Variants in SPHKAP observed in about 807,000 individuals in gnomAD.
SPHKAP encodes SPHK1 interactor, AKAP domain containing, also known as A-kinase anchor protein SPHKAP.
Under a neutral mutation model 137.5 loss-of-function variants are expected in SPHKAP, and 67 were observed. That is an observed-to-expected ratio of 0.49 (90% CI 0.40 to 0.60). SPHKAP has a LOEUF of 0.60. Ranked by LOEUF, SPHKAP falls within the 20% of genes least tolerant of loss-of-function variation. SPHKAP has a pLI of 0.00. For synonymous variants in SPHKAP, 813 were observed against 785.3 expected (o/e 1.04, Z -0.59); for missense variants, 2,097 against 2,069.3 (o/e 1.01, Z -0.26).
chr2:228,071,466 T>C (rs1352777036), intron 3 of SPHKAP, among the ~76,000 whole-genome samples: 1 of 152,238 alleles, frequency 6.6e-6, no homozygotes, highest in Non-Finnish European at 1.5e-5. Flanking sequence ...CATTCTTTGC[T>C]GGCACTAAGT....
chr2:228,140,735 T>C (rs866654058), intron 1 of SPHKAP, among the ~76,000 whole-genome samples: 1 of 152,116 alleles, frequency 6.6e-6, no homozygotes, highest in African/African-American at 2.4e-5. Flanking sequence ...TAGCACCGTC[T>C]CCTTGGTGCT....
Position 228,018,421 on chromosome 2 carries a change from C to T in SPHKAP, c.2433G>A (p.Gln811=), listed in dbSNP as rs1694695392. The T allele has an allele frequency of 6.2e-7, 1 of 1,613,942 alleles. No homozygotes were observed. Residue 811 remains glutamine (Q), a synonymous_variant, in exon 7 of 12, where the codon CAG becomes CAA. Coordinates refer to ENST00000392056, the MANE Select transcript of SPHKAP (RefSeq NM_001142644.2). ...RPGLFKNPTL[Q]SQLSRSHRVP... ...CTCTGTGACTACGTGATAATTGTGA[C>T]TGCAGCGTGGGGTTCTTGAAGAGGC...
intron 3 of SPHKAP, among the ~76,000 whole-genome samples, chr2:228,051,348 T>C (rs1270300382): frequency 6.6e-6 from 1 of 152,212 alleles, no homozygotes; most frequent in African/African-American, 2.4e-5. Flanking sequence ...AAAATCTACT[T>C]TTCTGCCCCT....
chr2:228,037,013 C>T (rs1695642324), intron 3 of SPHKAP, among the ~76,000 whole-genome samples: 1 of 151,842 alleles, frequency 6.6e-6, no homozygotes, highest in Non-Finnish European at 1.5e-5. Context: ...TGCGCATGTA[C>T]CCTAAAACTT....
chr2:228,178,050 T>C (rs1253806800), intron 1 of SPHKAP, among the ~76,000 whole-genome samples: 1 of 152,194 alleles, frequency 6.6e-6, no homozygotes, highest in East Asian at 1.9e-4. Flanking sequence ...TAAAAAAGAT[T>C]ATTTTTAGCA....
At chr2:228,164,972 AG>A in intron 1 of SPHKAP, among the ~76,000 whole-genome samples, 1 of 152,310 alleles carries the variant, frequency 6.6e-6, no homozygotes, top group East Asian at 1.9e-4. Flanking sequence ...TACCATGAGA[AG>A]GGGGTGGACT....
intron 1 of SPHKAP, among the ~76,000 whole-genome samples, chr2:228,172,744 C>T (rs756966848): frequency 1.3e-5 from 2 of 152,166 alleles, no homozygotes; most frequent in African/African-American, 2.4e-5. Flanking sequence ...GGGCTCTGCT[C>T]CAATTCAACC....
At chr2:228,111,937 T>C (rs1574859379) in intron 2 of SPHKAP, among the ~76,000 whole-genome samples, 1 of 152,300 alleles carries the variant, frequency 6.6e-6, no homozygotes, top group Non-Finnish European at 1.5e-5. Flanking sequence ...GACTTCCATT[T>C]TAAAGTTAGT....
intron 2 of SPHKAP, among the ~76,000 whole-genome samples, chr2:228,128,500 T>A (rs1256724299): frequency 6.6e-6 from 1 of 152,178 alleles, no homozygotes; most frequent in Admixed American, 6.5e-5. Flanking sequence ...TTCAAACTCA[T>A]GTTTATGTTA....
chr2:228,011,184 G>T (rs578247163), intron 7 of SPHKAP, among the ~76,000 whole-genome samples: 1 of 151,730 alleles, frequency 6.6e-6, no homozygotes, highest in Non-Finnish European at 1.5e-5. Context: ...ATTCTCAAGG[G>T]GATTGTTTTC....
chr2:228,004,297 T>G (rs1441643828), intron 7 of SPHKAP, among the ~76,000 whole-genome samples: 2 of 152,182 alleles, frequency 1.3e-5, no homozygotes, highest in African/African-American at 4.8e-5. Flanking sequence ...TGAGAGGGTG[T>G]ATGTGTTGAG....
chr2:227,984,667 G>A (rs1233533041), intron 11 of SPHKAP, among the ~76,000 whole-genome samples: 1 of 152,172 alleles, frequency 6.6e-6, no homozygotes, highest in Admixed American at 6.5e-5. Flanking sequence ...GACAGCTTTT[G>A]TATGATTCCA....
chr2:228,119,059 T>C lies in SPHKAP; in HGVS notation c.139-10120A>G, dbSNP rs187884702. ...TTGTAAAGTATATCTTGGCAGGCCT[T>C]TCTAAGGATGACATTGAGCAGAGAT... On this transcript the variant is annotated intron_variant, in intron 2 of 11. Transcript: ENST00000392056. Among the ~76,000 whole-genome samples, 44 of 152,266 alleles carry C rather than the reference T, an allele frequency of 2.9e-4. No homozygotes were observed. The East Asian group carries it at 7.2e-3, about 25-fold the overall frequency.
At chr2:227,991,990 A>G (rs1693430541) in intron 9 of SPHKAP, among the ~76,000 whole-genome samples, 1 of 152,168 alleles carries the variant, frequency 6.6e-6, no homozygotes, top group Non-Finnish European at 1.5e-5. Flanking sequence ...TAGATATGGT[A>G]GAGTTTAATA....
chr2:228,050,459 C>A (rs576207377), intron 3 of SPHKAP, among the ~76,000 whole-genome samples: 1 of 151,966 alleles, frequency 6.6e-6, no homozygotes, highest in Non-Finnish European at 1.5e-5. Flanking sequence ...TTACCATATG[C>A]GGATGGAATC....
intron 3 of SPHKAP, among the ~76,000 whole-genome samples, chr2:228,100,700 T>C (rs1462320459): frequency 2.6e-5 from 4 of 152,234 alleles, no homozygotes; most frequent in African/African-American, 9.6e-5. Context: ...GCCTACTTGA[T>C]AGTAGTGAAT....
At chr2:228,162,163 C>T (rs954993580) in intron 1 of SPHKAP, among the ~76,000 whole-genome samples, 4 of 152,164 alleles carry the variant, frequency 2.6e-5, no homozygotes, top group African/African-American at 7.2e-5. Context: ...AGTTGGGCCC[C>T]TTCAGAGGCT....
At chr2:228,034,254 C>G (rs1486534416) in intron 3 of SPHKAP, among the ~76,000 whole-genome samples, 1 of 152,212 alleles carries the variant, frequency 6.6e-6, no homozygotes, top group African/African-American at 2.4e-5. Flanking sequence ...ACAAACACCT[C>G]TACGCAAATA....
At chr2:227,992,774 G>A (rs1027149941) in intron 9 of SPHKAP, among the ~76,000 whole-genome samples, 2 of 152,172 alleles carry the variant, frequency 1.3e-5, no homozygotes, top group African/African-American at 2.4e-5. Flanking sequence ...GTTATAGATA[G>A]TGATTGAGAA....
Sources: gnomAD v4.1 joint callset for allele counts (sites outside exome capture counted in the v4.1 genomes callset) on GRCh38, gnomAD v4.1.1 for gene constraint, MANE v1.5 for transcripts, NCBI Gene and HGNC (gene_info 2026-07-23, HGNC 2026-07-21) for gene names.